The following SHANK2 variants were observed in gnomAD, a reference collection of about 807,000 sequenced individuals.
SHANK2 encodes SH3 and multiple ankyrin repeat domains protein 2.
Under a neutral mutation model 133.7 loss-of-function variants are expected in SHANK2, and 43 were observed. The observed-to-expected ratio is 0.32, with a 90% confidence interval of 0.25 to 0.41. SHANK2 has a LOEUF of 0.41. Ranked by LOEUF, SHANK2 falls within the 10% of genes least tolerant of loss-of-function variation. SHANK2 has a pLI of 1.00. For synonymous variants in SHANK2, 1,017 were observed against 952.8 expected, an observed-to-expected ratio of 1.07 and a Z score of -1.24; for missense variants, 1,994 against 2,235.8, an observed-to-expected ratio of 0.89 and a Z score of 2.18.
Position 70,806,714 on chromosome 11 carries a change from T to TCGATGCCCTCATCTGGGG in SHANK2, c.1663+287_1663+288insCCCCAGATGAGGGCATCG, listed in dbSNP as rs567395632. On this transcript the variant is annotated intron_variant, in intron 13 of 25. Coordinates refer to ENST00000601538, the MANE Select transcript of SHANK2 (RefSeq NM_012309.5). The stretch of plus-strand genomic sequence containing the variant: ...AGGGGATGGAAAGGAGCTCTGCTCT[T>TCGATGCCCTCATCTGGGG]CGATGCCCTCATCTGGCTCCCCCAC... Among the ~76,000 whole-genome samples, 20 of 152,310 alleles carry TCGATGCCCTCATCTGGGG rather than the reference T, an allele frequency of 1.3e-4. No homozygotes were observed. In the South Asian group the frequency reaches 4.1e-3, roughly 32 times the overall value.
At chr11:70,767,701 G>A (rs112062291) in intron 14 of SHANK2, among the ~76,000 whole-genome samples, 1 of 152,048 alleles carries the variant, frequency 6.6e-6, no homozygotes, top group Non-Finnish European at 1.5e-5. Flanking sequence ...GGGTGGGGGG[G>A]GCATGAGGAG....
At chr11:70,852,532 G>A (rs1368582744) in intron 11 of SHANK2, among the ~76,000 whole-genome samples, 4 of 152,176 alleles carry the variant, frequency 2.6e-5, no homozygotes, top group African/African-American at 9.6e-5. Context: ...CAGGTTTCTG[G>A]GGGACTGTGT....
intron 11 of SHANK2, among the ~76,000 whole-genome samples, chr11:70,832,467 C>T (rs1348303937): frequency 6.6e-6 from 1 of 152,190 alleles, no homozygotes; most frequent in East Asian, 1.9e-4. Context: ...TGTTGTGGAG[C>T]CAGGAGCCTC....
intron 13 of SHANK2, among the ~76,000 whole-genome samples, chr11:70,799,480 G>C (rs1216085332): frequency 6.6e-6 from 1 of 152,178 alleles, no homozygotes; most frequent in African/African-American, 2.4e-5. Flanking sequence ...TGGTGTGGAC[G>C]TGGAATTATC....
At chr11:70,771,252 C>A (rs1236488059) in intron 14 of SHANK2, among the ~76,000 whole-genome samples, 1 of 152,212 alleles carries the variant, frequency 6.6e-6, no homozygotes, top group Non-Finnish European at 1.5e-5. Context: ...TAAAAGACGG[C>A]TTCTTGCCAT....
chr11:70,658,747 A>G (rs61141854), intron 17 of SHANK2, among the ~76,000 whole-genome samples: 2,370 of 152,308 alleles, frequency 0.016, 79 homozygotes, highest in African/African-American at 0.054. Flanking sequence ...AGAAATGATC[A>G]CGGGTAGCCC....
chr11:71,229,431 A>C (rs1954699354), intron 1 of SHANK2, among the ~76,000 whole-genome samples: 1 of 152,206 alleles, frequency 6.6e-6, no homozygotes, highest in South Asian at 2.1e-4. Context: ...ATAATCATGC[A>C]GATAGCAAAA....
intron 2 of SHANK2, among the ~76,000 whole-genome samples, chr11:71,194,416 C>G (rs1371046948): frequency 1.3e-5 from 2 of 152,224 alleles, no homozygotes; most frequent in African/African-American, 4.8e-5. Context: ...CTCACTCTCT[C>G]TGTGGCCTCA....
At chr11:70,933,431 G>T (rs1428251053) in intron 10 of SHANK2, among the ~76,000 whole-genome samples, 1 of 152,106 alleles carries the variant, frequency 6.6e-6, no homozygotes, top group East Asian at 1.9e-4. Context: ...ACAAAATTCT[G>T]GTAGTCATGG....
intron 4 of SHANK2, among the ~76,000 whole-genome samples, chr11:71,113,696 G>C (rs1456308349): frequency 6.6e-6 from 1 of 152,196 alleles, no homozygotes; most frequent in Non-Finnish European, 1.5e-5. Flanking sequence ...CCTCCCAGGG[G>C]AATGGATCAG....
intron 6 of SHANK2, among the ~76,000 whole-genome samples, chr11:71,102,838 C>T (rs1272495174): frequency 2.6e-5 from 4 of 152,236 alleles, no homozygotes; most frequent in Admixed American, 6.5e-5. Context: ...GTGACTGGCC[C>T]AGACTGGGCT....
intron 3 of SHANK2, among the ~76,000 whole-genome samples, chr11:71,133,903 G>A (rs1727565328): frequency 6.6e-6 from 1 of 150,482 alleles, no homozygotes; most frequent in African/African-American, 2.5e-5. Flanking sequence ...AAACTGAAAG[G>A]GCAGCCCAAA....
intron 17 of SHANK2, among the ~76,000 whole-genome samples, chr11:70,626,334 T>C (rs2060905383): frequency 6.6e-6 from 1 of 152,194 alleles, no homozygotes; most frequent in South Asian, 2.1e-4. Context: ...CCACAATATC[T>C]GCACTGACTA....
At chr11:71,192,212 A>C (rs1337482331) in intron 2 of SHANK2, among the ~76,000 whole-genome samples, 1 of 152,152 alleles carries the variant, frequency 6.6e-6, no homozygotes, top group Admixed American at 6.5e-5. Context: ...GGGTCCATCC[A>C]TATGACCCCA....
intron 2 of SHANK2, among the ~76,000 whole-genome samples, chr11:71,209,519 C>T (rs183355380): frequency 1.3e-5 from 2 of 152,326 alleles, no homozygotes; most frequent in Admixed American, 1.3e-4. Flanking sequence ...GAATCAGGAA[C>T]AGCCATGGTG....
At chr11:70,641,542 C>T (rs781910119) in intron 17 of SHANK2, among the ~76,000 whole-genome samples, 4 of 152,110 alleles carry the variant, frequency 2.6e-5, no homozygotes, top group Non-Finnish European at 4.4e-5. Context: ...GGAATGACCG[C>T]CAGTTGAGAT....
At chr11:70,801,766 G>C (rs868916664) in intron 13 of SHANK2, among the ~76,000 whole-genome samples, 14 of 152,170 alleles carry the variant, frequency 9.2e-5, no homozygotes, top group African/African-American at 3.4e-4. Flanking sequence ...CCTACTCCAT[G>C]TGGAACACTA....
intron 15 of SHANK2, among the ~76,000 whole-genome samples, chr11:70,687,698 G>A (rs963509502): frequency 2.6e-5 from 4 of 152,192 alleles, no homozygotes; most frequent in South Asian, 2.1e-4. Flanking sequence ...TTTGCCTGCC[G>A]GCGGGGCTCA....
At chr11:71,094,485 G>T (rs545305360) in intron 7 of SHANK2, 52 bp downstream of exon 7, 194 of 1,514,804 alleles carry the variant, frequency 1.3e-4, no homozygotes, top group Non-Finnish European at 1.7e-4. Flanking sequence ...TGGGGCAGCC[G>T]CACGGAATCA....
Sources: gnomAD v4.1 joint callset for allele counts (sites outside exome capture counted in the v4.1 genomes callset) on GRCh38, gnomAD v4.1.1 for gene constraint, MANE v1.5 for transcripts, NCBI Gene and HGNC (gene_info 2026-07-23, HGNC 2026-07-21) for gene names.